Variants in OTOGL observed in about 807,000 individuals in gnomAD.
OTOGL encodes the protein otogelin-like protein.
Under a neutral mutation model 318.5 loss-of-function variants are expected in OTOGL, and 285 were observed. The observed-to-expected ratio is 0.89, with a 90% CI of 0.81 to 0.99. The LOEUF is 0.99. OTOGL is among the 50% of genes least tolerant of loss of function. The probability of loss-of-function intolerance (pLI) is 0.00; values close to 1 mark genes in which losing one functional copy is unlikely to be tolerated. For missense variants in OTOGL, 2,899 were observed against 2,845.6 expected (o/e 1.02, Z -0.43); for synonymous variants, 987 against 936.5 (o/e 1.05, Z -0.99).
intron 18 of OTOGL, among the ~76,000 whole-genome samples, chr12:80,259,418 G>T (rs1046999284): frequency 1.3e-5 from 2 of 151,796 alleles, no homozygotes; most frequent in African/African-American, 4.8e-5. Flanking sequence ...TGAATGTGCA[G>T]GTTTGTTACA....
intron 1 of OTOGL, among the ~76,000 whole-genome samples, chr12:80,128,553 A>G (rs1473233223): frequency 3.9e-5 from 6 of 151,928 alleles, no homozygotes; most frequent in African/African-American, 1.4e-4. Flanking sequence ...GAGAACCACT[A>G]CTCTCTTCAA....
intron 1 of OTOGL, among the ~76,000 whole-genome samples, chr12:80,148,962 T>G (rs973755942): frequency 1.6e-4 from 24 of 152,180 alleles, no homozygotes; most frequent in Non-Finnish European, 3.2e-4. Context: ...ATTCTAATTT[T>G]TTTTCAAAGT....
At chr12:80,297,019 G>T in intron 27 of OTOGL, 58 bp downstream of exon 27, 1 of 1,364,976 alleles carries the variant, frequency 7.3e-7, no homozygotes, top group Non-Finnish European at 9.8e-7. Context: ...ACTGAAAATA[G>T]AATAGAAATG....
chr12:80,359,324 T>A (rs1469779525), intron 52 of OTOGL, among the ~76,000 whole-genome samples: 1 of 152,176 alleles, frequency 6.6e-6, no homozygotes, highest in African/African-American at 2.4e-5. Context: ...CATGTAAACC[T>A]TATAGAAATT....
At chr12:80,243,287 C>T (rs1405732959) in intron 11 of OTOGL, among the ~76,000 whole-genome samples, 1 of 151,870 alleles carries the variant, frequency 6.6e-6, no homozygotes, top group African/African-American at 2.4e-5. Flanking sequence ...CTTTAAAGTA[C>T]TGGGAAAAGA....
intron 44 of OTOGL, among the ~76,000 whole-genome samples, chr12:80,345,788 C>G (rs1379583688): frequency 1.3e-5 from 2 of 151,978 alleles, no homozygotes; most frequent in Non-Finnish European, 1.5e-5. Flanking sequence ...CTCAAGTACT[C>G]AAAGCCTCTA....
At chr12:80,171,909 T>C (rs1874228589) in intron 1 of OTOGL, among the ~76,000 whole-genome samples, 1 of 152,174 alleles carries the variant, frequency 6.6e-6, no homozygotes, top group Non-Finnish European at 1.5e-5. Flanking sequence ...ATTTTTGTTT[T>C]TCTGCTTGCT....
intron 44 of OTOGL, 52 bp from the exon 45 acceptor site, chr12:80,352,243 T>G: frequency 1.3e-6 from 2 of 1,504,452 alleles, no homozygotes; most frequent in Non-Finnish European, 1.8e-6. Flanking sequence ...AGCTTAGGGC[T>G]TTCAGAGAAA....
chr12:80,218,897 C>A (rs576521615), intron 5 of OTOGL, among the ~76,000 whole-genome samples: 2 of 145,190 alleles, frequency 1.4e-5, no homozygotes, highest in African/African-American at 5.2e-5. Flanking sequence ...TGGATTCAAG[C>A]GATTCTCCTG....
intron 1 of OTOGL, among the ~76,000 whole-genome samples, chr12:80,203,034 G>A (rs1430082374): frequency 6.6e-6 from 1 of 152,150 alleles, no homozygotes; most frequent in East Asian, 1.9e-4. Flanking sequence ...TAAGTGTTAG[G>A]ACTACTAATA....
At chr12:80,157,671 A>T (rs1248976798) in intron 1 of OTOGL, among the ~76,000 whole-genome samples, 1 of 152,128 alleles carries the variant, frequency 6.6e-6, no homozygotes, top group Non-Finnish European at 1.5e-5. Flanking sequence ...AGCACCATTT[A>T]TTGAAGAGAC....
At chr12:80,220,081 A>T (rs537124518) in intron 6 of OTOGL, among the ~76,000 whole-genome samples, 169 bp downstream of exon 6, 1 of 152,160 alleles carries the variant, frequency 6.6e-6, no homozygotes, top group South Asian at 2.1e-4. Context: ...ACAAAAGTAG[A>T]TAGGGCCACT....
intron 55 of OTOGL, among the ~76,000 whole-genome samples, chr12:80,369,646 AT>A (rs1890760126): frequency 6.6e-6 from 1 of 152,034 alleles, no homozygotes; most frequent in African/African-American, 2.4e-5. Context: ...GTAACTTGAG[AT>A]TCAAAAATGT....
intron 1 of OTOGL, among the ~76,000 whole-genome samples, chr12:80,110,994 T>C (rs1869805159): frequency 6.6e-6 from 1 of 152,268 alleles, no homozygotes; most frequent in Non-Finnish European, 1.5e-5. Flanking sequence ...ATTTCTCTAA[T>C]GACCAGTGAT....
At chr12:80,355,653 C>A in intron 46 of OTOGL, 83 bp from the exon 47 acceptor site, 1 of 1,115,842 alleles carries the variant, frequency 9.0e-7, no homozygotes, top group Non-Finnish European at 1.3e-6. Flanking sequence ...TGGGCCATGT[C>A]ACAGTCTGAA....
At position 80,379,153 on chromosome 12, in the gene OTOGL, G is replaced by C. The variant is rs1172584776; in HGVS notation, c.*1105G>C. Reference sequence around the variant, plus strand: ...TTGACATTTGCAAGAAGAATGTATTGAGGTCTTTGGAAATGCCCAAATTCT... The same window carrying C: ...TTGACATTTGCAAGAAGAATGTATTCAGGTCTTTGGAAATGCCCAAATTCT... On this transcript the variant is annotated 3_prime_UTR_variant, in exon 59 of 59. Transcript: ENST00000547103. 1 of 152,188 alleles carries C rather than the reference G, an allele frequency of 6.6e-6. No individual in the cohort carries two copies. The highest frequency in any genetic ancestry group is 1.5e-5 in the Non-Finnish European group (1 of 67,862). The allele number at this position is 152,188 out of a possible 1,614,324, so 9.4% of individuals were successfully genotyped here. A position where few individuals can be genotyped will look rare whatever the true frequency, so the allele number is the denominator to read the frequency against.
intron 33 of OTOGL, 144 bp downstream of exon 33, chr12:80,318,857 C>T (rs1592702305): frequency 1.8e-6 from 1 of 550,580 alleles, no homozygotes; most frequent in Non-Finnish European, 2.7e-6. Flanking sequence ...ATAACATTGG[C>T]ATATCAGCCA....
At chr12:80,132,851 GT>G (rs1871324202) in intron 1 of OTOGL, 1 of 152,136 alleles carries the variant, frequency 6.6e-6, no homozygotes, top group African/African-American at 2.4e-5. Context: ...TGTCAAGCAG[GT>G]TGAACATTAT....
chr12:80,376,721 T>C (rs1323649628), intron 57 of OTOGL, among the ~76,000 whole-genome samples: 5 of 152,134 alleles, frequency 3.3e-5, no homozygotes, highest in African/African-American at 1.2e-4. Context: ...GATGTATATA[T>C]GTAGTTATGC....
Sources: allele counts gnomAD v4.1 joint callset (sites outside exome capture counted in the v4.1 genomes callset), GRCh38; gene constraint gnomAD v4.1.1; transcripts MANE v1.5; gene names NCBI Gene and HGNC (gene_info 2026-07-23, HGNC 2026-07-21).